Variants in EXOC1L observed in about 807,000 individuals in gnomAD.
EXOC1L encodes the protein exocyst complex component 1 like, also known as exocyst complex component 1-like.
A neutral mutation model predicts 4.9 loss-of-function variants in EXOC1L; 10 were observed. The observed-to-expected ratio is 2.02, with a 90% confidence interval of 1.25 to 3.43. The LOEUF (loss-of-function observed/expected upper bound fraction) is 3.43, where lower values mean the gene tolerates loss of function less well. Among genes scored for constraint, EXOC1L ranks in the 30% most tolerant of loss-of-function variants. EXOC1L has a pLI of 0.00. For missense variants in EXOC1L, 114 were observed against 59.4 expected, an observed-to-expected ratio of 1.92 and a Z score of -3.02; for synonymous variants, 41 against 20.8, an observed-to-expected ratio of 1.97 and a Z score of -2.63.
At chr4:55,834,389 G>C (rs1274396510) in intron 2 of EXOC1L, among the ~76,000 whole-genome samples, 1 of 151,830 alleles carries the variant, frequency 6.6e-6, no homozygotes, top group Non-Finnish European at 1.5e-5. Flanking sequence ...GGAAACTACT[G>C]TGTTATCCCA....
In EXOC1L at chr4:55,837,440, A is replaced by G. The variant is rs1359006944; in HGVS notation, c.*89A>G. On this transcript the variant is annotated 3_prime_UTR_variant, in exon 3 of 3. Transcript: ENST00000636125. Reference sequence around the variant, plus strand: ...GTCATAATTTTGTTTTTCCTTCATCAGTGATTATTATAATTTAAATAAAAA... The same window carrying G: ...GTCATAATTTTGTTTTTCCTTCATCGGTGATTATTATAATTTAAATAAAAA... 2.3e-6 allele frequency: 1 copy of G among 438,318 alleles called. No homozygotes were observed. The highest frequency in any genetic ancestry group is 4.1e-5 in the Admixed American group (1 of 24,560). 27.2% of individuals were successfully genotyped at this position (438,318 alleles called of 1,614,324 possible). A position where few individuals can be genotyped will look rare whatever the true frequency, so the allele number is the denominator to read the frequency against.
At chr4:55,831,212 G>C (rs1010327809) in intron 1 of EXOC1L, 122 bp from the exon 2 acceptor site, 2 of 485,802 alleles carry the variant, frequency 4.1e-6, no homozygotes, top group East Asian at 6.7e-5. Flanking sequence ...TTGAGGCGCA[G>C]CTATAATGTG....
intron 1 of EXOC1L, among the ~76,000 whole-genome samples, chr4:55,828,983 T>C (rs112936511): frequency 3.1e-4 from 47 of 152,328 alleles, no homozygotes; most frequent in African/African-American, 9.6e-4. Context: ...TTGAGATAAT[T>C]TGTGGCTACT....
intron 1 of EXOC1L, among the ~76,000 whole-genome samples, chr4:55,822,027 A>T (rs1337732933): frequency 6.6e-6 from 1 of 152,242 alleles, no homozygotes; most frequent in African/African-American, 2.4e-5. Context: ...TTGAGATGTG[A>T]AACTCCATAC....
At chr4:55,833,751 T>G (rs566946732) in intron 2 of EXOC1L, among the ~76,000 whole-genome samples, 2 of 152,062 alleles carry the variant, frequency 1.3e-5, no homozygotes, top group East Asian at 3.9e-4. Context: ...CTGTGCTCTA[T>G]TTTTTCCTCA....
At chr4:55,822,621 A>G (rs944359412) in intron 1 of EXOC1L, among the ~76,000 whole-genome samples, 2 of 152,200 alleles carry the variant, frequency 1.3e-5, no homozygotes, top group Admixed American at 1.3e-4. Context: ...GTAACAGGGC[A>G]TAGTGGAACA....
At chr4:55,821,853 C>T (rs938880074) in intron 1 of EXOC1L, among the ~76,000 whole-genome samples, 2 of 152,170 alleles carry the variant, frequency 1.3e-5, no homozygotes, top group Non-Finnish European at 2.9e-5. Flanking sequence ...AATTTGAGAG[C>T]ACTTTCTCCA....
rs1005909864 is a variant in EXOC1L, at chr4:55,837,230, C to A, written c.398C>A (p.Ser133Tyr). 1.4e-6 allele frequency: 1 copy of A among 701,754 alleles called. No individual in the cohort carries two copies. The highest frequency in any genetic ancestry group is 2.6e-6 in the Non-Finnish European group (1 of 384,264). 43.5% of individuals were successfully genotyped at this position (701,754 alleles called of 1,614,324 possible). The change falls in exon 3 of 3, where the codon TCT (serine) becomes TAT (tyrosine). Residue 133 changes from serine (S) to tyrosine (Y), a missense_variant. Ser to Tyr is a moderately radical substitution (Grantham distance 144). Transcript: ENST00000636125. ...GACTTACAGATCGTGAACTTTGATTCTACATACATTAACGATGATTCCATT... is the reference window on the plus strand; with the variant it reads ...GACTTACAGATCGTGAACTTTGATTATACATACATTAACGATGATTCCATT... Reference protein sequence around the residue: ...KKDLQIVNFDSTYINDDSIWS... With the variant: ...KKDLQIVNFDYTYINDDSIWS...
intron 1 of EXOC1L, among the ~76,000 whole-genome samples, chr4:55,822,319 A>G (rs547878580): frequency 1.3e-5 from 2 of 152,228 alleles, no homozygotes; most frequent in South Asian, 4.1e-4. Context: ...CAAAAACTCA[A>G]TTTCCCTTTC....
At chr4:55,832,558 T>C (rs941563274) in intron 2 of EXOC1L, among the ~76,000 whole-genome samples, 7 of 152,012 alleles carry the variant, frequency 4.6e-5, no homozygotes, top group Non-Finnish European at 1.0e-4. Flanking sequence ...GTAGTACTGT[T>C]ACTTGCTACC....
chr4:55,828,764 G>A (rs1052378816), intron 1 of EXOC1L, among the ~76,000 whole-genome samples: 9 of 152,100 alleles, frequency 5.9e-5, no homozygotes, highest in Non-Finnish European at 7.4e-5. Flanking sequence ...GTATGCTTGA[G>A]CCCAGGAGGT....
At chr4:55,826,708 A>G (rs1472705652) in intron 1 of EXOC1L, among the ~76,000 whole-genome samples, 1 of 152,234 alleles carries the variant, frequency 6.6e-6, no homozygotes, top group Non-Finnish European at 1.5e-5. Context: ...CCACTGCATT[A>G]ATGTGGATAC....
At position 55,820,036 on chromosome 4, in the gene EXOC1L, T is replaced by C. The variant is rs1194578273; in HGVS notation, c.10T>C (p.Leu4=). ...AGTGGAACTGGAGGAAATGTCATCA[T>C]TGGTAAAGGAGGACTTGGAGAAGAA... MSS[L]VKEDLEKKLF... Residue 4 remains leucine, a synonymous_variant, in exon 1 of 3, where the codon TTG becomes CTG. Coordinates refer to ENST00000636125, the MANE Select transcript of EXOC1L (RefSeq NM_001351574.3). The C allele has an allele frequency of 7.5e-6, 3 of 398,936 alleles. No homozygotes were observed. The highest frequency in any genetic ancestry group is 3.6e-5 in the East Asian group (1 of 28,074). The allele number at this position is 398,936 out of a possible 1,614,324, so 24.7% of individuals were successfully genotyped here.
chr4:55,825,225 G>A (rs1433677192), intron 1 of EXOC1L, among the ~76,000 whole-genome samples: 3 of 152,072 alleles, frequency 2.0e-5, no homozygotes, highest in East Asian at 1.9e-4. Context: ...GAAACCATAG[G>A]TCACAAGAAG....
chr4:55,833,072 G>A (rs2110285149), intron 2 of EXOC1L, among the ~76,000 whole-genome samples: 1 of 151,940 alleles, frequency 6.6e-6, no homozygotes, highest in Non-Finnish European at 1.5e-5. Flanking sequence ...AAAGAATGCT[G>A]GATTTCATTG....
intron 1 of EXOC1L, among the ~76,000 whole-genome samples, chr4:55,828,538 A>G (rs1439857171): frequency 6.6e-6 from 1 of 151,938 alleles, no homozygotes; most frequent in Non-Finnish European, 1.5e-5. Flanking sequence ...TTCTCTACAA[A>G]TGTGGTTTGG....
chr4:55,837,070 C>T lies in EXOC1L; in HGVS notation c.253-15C>T, dbSNP rs1294973174. 1 of 677,630 alleles carries T rather than the reference C, an allele frequency of 1.5e-6. No homozygotes were observed. The highest frequency in any genetic ancestry group is 2.7e-6 in the Non-Finnish European group (1 of 369,736). 42.0% of individuals were successfully genotyped at this position (677,630 alleles called of 1,614,324 possible). ...CTTGGCTACCAACTAAATCATGTCTCTCATTCTCTTCCAGGACAATCCATT... is the reference window on the plus strand; with the variant it reads ...CTTGGCTACCAACTAAATCATGTCTTTCATTCTCTTCCAGGACAATCCATT... On this transcript the variant is annotated splice_polypyrimidine_tract_variant and intron_variant, in intron 2 of 2. Coordinates refer to ENST00000636125, the MANE Select transcript of EXOC1L (RefSeq NM_001351574.3).
At chr4:55,820,917 C>T (rs1270371110) in intron 1 of EXOC1L, among the ~76,000 whole-genome samples, 1 of 152,158 alleles carries the variant, frequency 6.6e-6, no homozygotes, top group African/African-American at 2.4e-5. Context: ...AGTGCTCATG[C>T]CATTATTGAA....
At chr4:55,830,892 G>A (rs1720011990) in intron 1 of EXOC1L, among the ~76,000 whole-genome samples, 1 of 152,192 alleles carries the variant, frequency 6.6e-6, no homozygotes, top group South Asian at 2.1e-4. Context: ...CTTCAACACT[G>A]TGTTGCTGTA....
Sources: allele counts gnomAD v4.1 joint callset (sites outside exome capture counted in the v4.1 genomes callset), GRCh38; gene constraint gnomAD v4.1.1; transcripts MANE v1.5; gene names NCBI Gene and HGNC (gene_info 2026-07-23, HGNC 2026-07-21).